Variants in DCAF10 observed in about 807,000 individuals in gnomAD.
The protein encoded by DCAF10 is DDB1- and CUL4-associated factor 10.
In DCAF10, 19 loss-of-function variants were observed where a neutral mutation model predicts 51.9. The ratio of observed to expected loss-of-function variants is 0.37; its 90% CI spans 0.26 to 0.54. The LOEUF is 0.54. DCAF10 is among the 20% of genes least tolerant of loss of function. The probability of loss-of-function intolerance (pLI) is 0.87; values close to 1 mark genes in which losing one functional copy is unlikely to be tolerated. For synonymous variants in DCAF10, 291 were observed against 297.1 expected, an observed-to-expected ratio of 0.98 and a Z score of 0.21; for missense variants, 510 against 730.6, an observed-to-expected ratio of 0.70 and a Z score of 3.48.
intron 1 of DCAF10, among the ~76,000 whole-genome samples, chr9:37,814,199 C>T (rs1248023257): frequency 2.8e-5 from 4 of 143,674 alleles, no homozygotes; most frequent in African/African-American, 1.0e-4. Context: ...AGTGCAATGG[C>T]ACGATCTCAG....
intron 3 of DCAF10, among the ~76,000 whole-genome samples, chr9:37,851,193 G>A (rs967037637): frequency 6.6e-6 from 1 of 151,514 alleles, no homozygotes; most frequent in African/African-American, 2.4e-5. Context: ...GCAGTGAACC[G>A]AGATTGTGCC....
intron 3 of DCAF10, among the ~76,000 whole-genome samples, chr9:37,848,868 G>A (rs1830550978): frequency 6.6e-6 from 1 of 151,454 alleles, no homozygotes; most frequent in Admixed American, 6.6e-5. Context: ...AGCTACTCAG[G>A]AGGCTGAGGC....
chr9:37,834,026 G>A (rs945537912), intron 2 of DCAF10, among the ~76,000 whole-genome samples: 15 of 152,024 alleles, frequency 9.9e-5, no homozygotes, highest in Middle Eastern at 3.4e-3. Flanking sequence ...TGCAGCCTCC[G>A]CCCCGCCAGC....
intron 2 of DCAF10, among the ~76,000 whole-genome samples, chr9:37,824,701 A>G (rs1829803604): frequency 6.6e-6 from 1 of 152,116 alleles, no homozygotes; most frequent in African/African-American, 2.4e-5. Context: ...TAAAAAGCCA[A>G]ATTATTTATC....
chr9:37,851,100 C>T (rs1033834423), intron 3 of DCAF10, among the ~76,000 whole-genome samples: 3 of 151,106 alleles, frequency 2.0e-5, no homozygotes, highest in African/African-American at 7.3e-5. Flanking sequence ...AAAGAGTAGC[C>T]GGGTGTGGTG....
intron 1 of DCAF10, among the ~76,000 whole-genome samples, chr9:37,814,965 C>G (rs1021771593): frequency 6.6e-6 from 1 of 151,778 alleles, no homozygotes; most frequent in African/African-American, 2.4e-5. Context: ...AAATCATAAA[C>G]AAAATATTAG....
intron 2 of DCAF10, among the ~76,000 whole-genome samples, chr9:37,835,635 G>A (rs1830139383): frequency 6.6e-6 from 1 of 151,990 alleles, no homozygotes; most frequent in African/African-American, 2.4e-5. Context: ...CTACTTAGGA[G>A]GCTCAAGCAG....
At chr9:37,814,001 C>T (rs1185401926) in intron 1 of DCAF10, among the ~76,000 whole-genome samples, 2 of 142,926 alleles carry the variant, frequency 1.4e-5, no homozygotes, top group East Asian at 2.1e-4. Flanking sequence ...TGAAACAGAA[C>T]AACAAATTAT....
intron 2 of DCAF10, among the ~76,000 whole-genome samples, chr9:37,834,574 T>G (rs1440314821): frequency 6.6e-6 from 1 of 152,164 alleles, no homozygotes; most frequent in Admixed American, 6.5e-5. Flanking sequence ...TAATCTCTCT[T>G]CCTTAAAACT....
At chr9:37,841,069 C>T (rs1830323134) in intron 2 of DCAF10, among the ~76,000 whole-genome samples, 1 of 152,060 alleles carries the variant, frequency 6.6e-6, no homozygotes, top group Non-Finnish European at 1.5e-5. Context: ...ACAAAATCAC[C>T]TAAGGACACA....
chr9:37,856,465 C>T (rs970114708), intron 4 of DCAF10, among the ~76,000 whole-genome samples: 2 of 144,806 alleles, frequency 1.4e-5, no homozygotes, highest in African/African-American at 5.4e-5. Context: ...TTTCAGTTTT[C>T]TAATGGTAAT....
In DCAF10 at chr9:37,851,603, TG is replaced by T. The variant is rs531827905; in HGVS notation, c.852-3175del. The stretch of plus-strand genomic sequence containing the variant: ...TGAGGTCAGGAGTTTGAGACCAGCC[TG>T]GTCAACATGGTAAAACCCCATCTTT... On this transcript the variant is annotated intron_variant, in intron 3 of 6. Transcript: ENST00000377724. Among the ~76,000 whole-genome samples, 428 of 151,574 alleles carry T rather than the reference TG, an allele frequency of 2.8e-3. 3 individuals are homozygous for T. Among genetic ancestry groups the T allele is most frequent in the African/African-American group, 9.8e-3 (406 of 41,528 alleles).
chr9:37,835,451 C>T (rs1399184725), intron 2 of DCAF10, among the ~76,000 whole-genome samples: 4 of 151,868 alleles, frequency 2.6e-5, no homozygotes, highest in Admixed American at 1.3e-4. Flanking sequence ...TGATGGTGGG[C>T]GCCTGTAATC....
In DCAF10 at chr9:37,863,673, T is replaced by C. The variant is rs1386349312; in HGVS notation, c.*2165T>C. 3 of 152,208 alleles carry C rather than the reference T, an allele frequency of 2.0e-5. No homozygotes were observed. The highest frequency in any genetic ancestry group is 7.2e-5 in the African/African-American group (3 of 41,464). The allele number at this position is 152,208 out of a possible 1,614,324, so 9.4% of individuals were successfully genotyped here. A position where few individuals can be genotyped will look rare whatever the true frequency, so the allele number is the denominator to read the frequency against. On this transcript the variant is annotated 3_prime_UTR_variant, in exon 7 of 7. Coordinates refer to ENST00000377724, the MANE Select transcript of DCAF10 (RefSeq NM_024345.5). ...TTGTAAATACCCTTAAACTGGCCAA[T>C]AGATTTTAGAAAGGCAGGCATGGGA...
At position 37,861,628 on chromosome 9, in the gene DCAF10, T is replaced by C. The variant is rs577056812; in HGVS notation, c.*120T>C. The C allele has an allele frequency of 9.9e-6, 14 of 1,409,660 alleles. No individual in the cohort carries two copies. The South Asian group carries it at 1.7e-4, about 17-fold the overall frequency. The allele number at this position is 1,409,660 out of a possible 1,614,324, so 87.3% of individuals were successfully genotyped here. ...GTTTGGGTCAAGATCCTGGTTCTTATGGGTCCATGAACACACTTGTGACCT... is the reference window on the plus strand; with the variant it reads ...GTTTGGGTCAAGATCCTGGTTCTTACGGGTCCATGAACACACTTGTGACCT... On this transcript the variant is annotated 3_prime_UTR_variant, in exon 7 of 7. Transcript: ENST00000377724. This position sits in a 1 kb window ranked among gnomAD's most constrained non-coding sequence, Gnocchi z 4.9.
intron 5 of DCAF10, among the ~76,000 whole-genome samples, chr9:37,857,572 T>G (rs1444816766): frequency 6.6e-6 from 1 of 152,202 alleles, no homozygotes; most frequent in African/African-American, 2.4e-5. Context: ...GCTTTGGTTT[T>G]ATTAGCTGGA....
At chr9:37,803,262 G>T (rs1008183770) in intron 1 of DCAF10, among the ~76,000 whole-genome samples, 3 of 152,078 alleles carry the variant, frequency 2.0e-5, no homozygotes. Flanking sequence ...TTTTTAATTT[G>T]TGTATGTTTA....
At chr9:37,802,183 T>C (rs1828973014) in intron 1 of DCAF10, among the ~76,000 whole-genome samples, 1 of 152,230 alleles carries the variant, frequency 6.6e-6, no homozygotes, top group Non-Finnish European at 1.5e-5. Context: ...ATTCATTCTC[T>C]CATTCGGCGT....
chr9:37,835,989 C>A, intron 2 of DCAF10: 1 of 984,782 alleles, frequency 1.0e-6, no homozygotes, highest in Non-Finnish European at 1.6e-6. Flanking sequence ...AAAAATTCCC[C>A]AATCCCTGCC....
Sources: allele counts gnomAD v4.1 joint callset (sites outside exome capture counted in the v4.1 genomes callset), GRCh38; gene constraint gnomAD v4.1.1; non-coding constraint Gnocchi (gnomAD v3.1); transcripts MANE v1.5; gene names NCBI Gene and HGNC (gene_info 2026-07-23, HGNC 2026-07-21).